Variants in LPGAT1 observed in about 807,000 individuals in gnomAD.
The protein encoded by LPGAT1 is acyl-CoA:lysophosphatidylglycerol acyltransferase 1.
LPGAT1 carries 11 observed loss-of-function variants against 47.5 expected under a neutral mutation model. That is an observed-to-expected ratio of 0.23 (90% CI 0.15 to 0.38). The LOEUF is 0.38. Ranked by LOEUF, LPGAT1 falls within the 10% of genes least tolerant of loss-of-function variation. LPGAT1 has a pLI of 1.00. For missense variants in LPGAT1, 293 were observed against 439.0 expected, an observed-to-expected ratio of 0.67 and a Z score of 2.97; for synonymous variants, 138 against 144.2, an observed-to-expected ratio of 0.96 and a Z score of 0.31.
intron 6 of LPGAT1, among the ~76,000 whole-genome samples, chr1:211,773,116 G>C (rs1441388572): frequency 6.6e-6 from 1 of 152,160 alleles, no homozygotes; most frequent in Non-Finnish European, 1.5e-5. Flanking sequence ...CAGAGTATGT[G>C]CATTTTCACC....
intron 2 of LPGAT1, among the ~76,000 whole-genome samples, chr1:211,824,383 G>C (rs1190840146): frequency 1.3e-5 from 2 of 152,098 alleles, no homozygotes; most frequent in South Asian, 2.1e-4. Flanking sequence ...GCAATAGAGT[G>C]AGACTGTCTC....
At chr1:211,781,783 G>A (rs11119810) in intron 5 of LPGAT1, among the ~76,000 whole-genome samples, 16,796 of 152,082 alleles carry the variant, frequency 0.11, 1,104 homozygotes, top group South Asian at 0.21. Context: ...CTTATAATCA[G>A]ACTTTCACAG....
rs1240210240 is a variant in LPGAT1, at chr1:211,743,687, A to T, written c.*6212T>A. 6.6e-6 allele frequency: 1 copy of T among 152,230 alleles called. No homozygotes were observed. Among genetic ancestry groups the T allele is most frequent in the Non-Finnish European group, 1.5e-5 (1 of 68,032 alleles). 9.4% of individuals were successfully genotyped at this position (152,230 alleles called of 1,614,324 possible). A position where few individuals can be genotyped will look rare whatever the true frequency, so the allele number is the denominator to read the frequency against. ...ATGAGGAATAGGGCTGGTCAGCAAT[A>T]GATCTCTGAGTGCTTCCAATTTGTT... On this transcript the variant is annotated 3_prime_UTR_variant, in exon 8 of 8. Coordinates refer to ENST00000366997, the MANE Select transcript of LPGAT1 (RefSeq NM_014873.3).
intron 2 of LPGAT1, among the ~76,000 whole-genome samples, chr1:211,814,272 C>CA (rs1660096211): frequency 6.6e-6 from 1 of 152,158 alleles, no homozygotes; most frequent in South Asian, 2.1e-4. Context: ...ACCACAACTA[C>CA]AGAGTTGATG....
At chr1:211,829,650 A>T (rs2102617696) in intron 1 of LPGAT1, 1 of 1,087,678 alleles carries the variant, frequency 9.2e-7, no homozygotes, top group East Asian at 6.8e-5. Flanking sequence ...TTAGAAAAAT[A>T]GATCCACTCG....
intron 2 of LPGAT1, among the ~76,000 whole-genome samples, chr1:211,816,015 T>C (rs936450458): frequency 1.3e-5 from 2 of 152,002 alleles, no homozygotes; most frequent in Non-Finnish European, 2.9e-5. Context: ...TCTCTTGACA[T>C]TGTGATCCAC....
intron 2 of LPGAT1, among the ~76,000 whole-genome samples, chr1:211,812,387 G>C (rs1366989680): frequency 6.6e-6 from 1 of 152,184 alleles, no homozygotes; most frequent in Non-Finnish European, 1.5e-5. Context: ...ATATGACACA[G>C]AGACAGGAAA....
intron 2 of LPGAT1, among the ~76,000 whole-genome samples, chr1:211,828,000 T>C (rs751049188): frequency 1.3e-5 from 2 of 152,200 alleles, no homozygotes; most frequent in Non-Finnish European, 2.9e-5. Context: ...ATACTATCAG[T>C]CCTTCTCTTG....
At chr1:211,801,841 AG>A (rs1259682589) in intron 2 of LPGAT1, among the ~76,000 whole-genome samples, 6 of 152,100 alleles carry the variant, frequency 3.9e-5, no homozygotes, top group African/African-American at 1.4e-4. Flanking sequence ...GCACTTTGGG[AG>A]GCTGAGGAGG....
intron 2 of LPGAT1, among the ~76,000 whole-genome samples, chr1:211,794,094 A>G (rs892314259): frequency 3.3e-5 from 5 of 152,230 alleles, no homozygotes; most frequent in African/African-American, 7.2e-5. Context: ...CATCAATGAG[A>G]GGTGGTTCCC....
chr1:211,801,298 C>A (rs1659564688), intron 2 of LPGAT1, among the ~76,000 whole-genome samples: 2 of 152,180 alleles, frequency 1.3e-5, no homozygotes, highest in Non-Finnish European at 2.9e-5. Context: ...TAAAATAATC[C>A]TTTCCTTCCA....
At chr1:211,825,832 C>T (rs774367528) in intron 2 of LPGAT1, among the ~76,000 whole-genome samples, 2 of 152,074 alleles carry the variant, frequency 1.3e-5, no homozygotes, top group African/African-American at 4.8e-5. Flanking sequence ...TGGTGGCACA[C>T]GCCTGTAGTC....
At chr1:211,768,306 A>C (rs1244233669) in intron 6 of LPGAT1, among the ~76,000 whole-genome samples, 3 of 152,250 alleles carry the variant, frequency 2.0e-5, no homozygotes, top group Non-Finnish European at 2.9e-5. Context: ...CCAAAATCCT[A>C]AATTCTGTGG....
intron 2 of LPGAT1, among the ~76,000 whole-genome samples, chr1:211,821,655 G>A (rs1185759578): frequency 6.6e-6 from 1 of 152,104 alleles, no homozygotes; most frequent in Admixed American, 6.5e-5. Flanking sequence ...AGATGTATAC[G>A]CTATTTTAAA....
chr1:211,777,487 C>A (rs1374804965), intron 6 of LPGAT1, among the ~76,000 whole-genome samples: 1 of 151,946 alleles, frequency 6.6e-6, no homozygotes, highest in Non-Finnish European at 1.5e-5. Flanking sequence ...ACCAAACAGG[C>A]CTTATCATGA....
At chr1:211,756,221 G>A (rs911402314) in intron 6 of LPGAT1, among the ~76,000 whole-genome samples, 1 of 152,070 alleles carries the variant, frequency 6.6e-6, no homozygotes, top group African/African-American at 2.4e-5. Flanking sequence ...GGGCAACAGA[G>A]GGAGACTCCG....
chr1:211,777,358 G>A (rs1317665102), intron 6 of LPGAT1, among the ~76,000 whole-genome samples: 1 of 152,176 alleles, frequency 6.6e-6, no homozygotes, highest in Non-Finnish European at 1.5e-5. Context: ...CACTAATCTT[G>A]ATTAAACCCT....
chr1:211,793,743 C>T lies in LPGAT1; in HGVS notation c.239-553G>A, dbSNP rs971537870. On this transcript the variant is annotated intron_variant, in intron 2 of 7. Transcript: ENST00000366997. ...CCACTGTGCCCAGCTATGGTCATAC[C>T]TTTGATCTAGAAGTTCTATTTCCTA... Among the ~76,000 whole-genome samples, 8 of 152,078 alleles carry T rather than the reference C, an allele frequency of 5.3e-5. No homozygotes were observed. The South Asian group carries it at 8.3e-4, about 16-fold the overall frequency.
At chr1:211,784,550 C>T (rs76368499) in intron 4 of LPGAT1, among the ~76,000 whole-genome samples, 3,353 of 150,746 alleles carry the variant, frequency 0.022, 124 homozygotes, top group African/African-American at 0.077. Flanking sequence ...ACCAAAAGAC[C>T]ACAGGAGATA....
Sources: allele counts gnomAD v4.1 joint callset (sites outside exome capture counted in the v4.1 genomes callset), GRCh38; gene constraint gnomAD v4.1.1; transcripts MANE v1.5; gene names NCBI Gene and HGNC (gene_info 2026-07-23, HGNC 2026-07-21).